The following LRCH3 variants were observed in gnomAD, a reference collection of about 807,000 sequenced individuals.
The protein encoded by LRCH3 is DISP complex protein LRCH3.
Under a neutral mutation model 104.5 loss-of-function variants are expected in LRCH3, and 68 were observed. The ratio of observed to expected loss-of-function variants is 0.65; its 90% CI spans 0.54 to 0.80. The LOEUF is 0.80. Among genes scored for constraint, LRCH3 ranks in the 30% least tolerant of loss-of-function variants. LRCH3 has a pLI of 0.00. For synonymous variants in LRCH3, 344 were observed against 361.3 expected (o/e 0.95, Z 0.54); for missense variants, 951 against 953.9 (o/e 1.00, Z 0.04).
intron 1 of LRCH3, 114 bp downstream of exon 1, chr3:197,791,654 C>T (rs1053137112): frequency 6.7e-5 from 83 of 1,246,840 alleles, no homozygotes; most frequent in Middle Eastern, 2.8e-4. Flanking sequence ...GGCGCCGGGT[C>T]CGGACCCGGG....
rs968159820 is a variant in LRCH3, at chr3:197,854,322, A to G, written c.1591-70A>G. On this transcript the variant is annotated intron_variant, in intron 13 of 20. Transcript: ENST00000425562. The surrounding 1 kb of genome is among the most constrained non-coding windows in gnomAD (Gnocchi z 4.5). ...AATATGTCTCTTCCCTTGTGTGTGT[A>G]TTCGTGAAATACGTCACACGTGTGC... The G allele has an allele frequency of 7.0e-6, 9 of 1,285,702 alleles. No homozygotes were observed. Among genetic ancestry groups the G allele is most frequent in the Admixed American group, 3.4e-5 (2 of 59,548 alleles). 79.6% of individuals were successfully genotyped at this position (1,285,702 alleles called of 1,614,324 possible). A position where few individuals can be genotyped will look rare whatever the true frequency, so the allele number is the denominator to read the frequency against.
In LRCH3 at chr3:197,866,190, G is replaced by T; in HGVS notation, c.1844G>T (p.Arg615Leu). 1 of 1,613,872 alleles carries T rather than the reference G, an allele frequency of 6.2e-7. No individual in the cohort carries two copies. The highest frequency in any genetic ancestry group is 1.6e-4 in the Middle Eastern group (1 of 6,062). ...QPQRPESFLF[R>L]AGVRAETNKG... is the part of the protein sequence containing the mutation. The stretch of plus-strand genomic sequence containing the variant: ...CAGCGCCCTGAAAGCTTCCTTTTCC[G>T]AGCAGGTGTCAGGGCAGAAACCAAC... Residue 615 changes from arginine to leucine, a missense_variant, in exon 17 of 21, where the codon CGA becomes CTA. By Grantham distance (102) the Arg-to-Leu change is moderately radical (BLOSUM62 -2). Coordinates refer to ENST00000425562, the MANE Select transcript of LRCH3 (RefSeq NM_001365715.1).
At chr3:197,846,999 G>A (rs961685000) in intron 10 of LRCH3, among the ~76,000 whole-genome samples, 2 of 152,108 alleles carry the variant, frequency 1.3e-5, no homozygotes, top group Non-Finnish European at 2.9e-5. Context: ...TGCTTTATAA[G>A]TACAGTTACG....
intron 10 of LRCH3, among the ~76,000 whole-genome samples, chr3:197,846,401 C>A (rs79619221): frequency 0.078 from 9,533 of 122,020 alleles, 671 homozygotes; most frequent in African/African-American, 0.19. Flanking sequence ...AAAAAAAAAA[C>A]AAAAAAAAAA....
intron 10 of LRCH3, among the ~76,000 whole-genome samples, chr3:197,844,653 C>CT (rs1466876417): frequency 4.0e-5 from 6 of 151,380 alleles, no homozygotes; most frequent in Non-Finnish European, 1.5e-5. Flanking sequence ...GAGCCTCACT[C>CT]TGTCGCCAGG....
In LRCH3 at chr3:197,859,773, C is replaced by CT. The variant is rs199851982; in HGVS notation, c.1716+879dup. On this transcript the variant is annotated intron_variant, in intron 15 of 20. Transcript: ENST00000425562. ...TTTAGCATTTTTTAATGTAAGAATC[C>CT]TTTTTTTTTTTACACAAAATACAAT... Among the ~76,000 whole-genome samples, 819 of 144,706 alleles carry CT rather than the reference C, an allele frequency of 5.7e-3. 3 individuals are homozygous for CT. The highest frequency in any genetic ancestry group is 0.029 in the East Asian group (146 of 5,020). The allele number at this position is 144,706 out of a possible 152,430, so 94.9% of individuals were successfully genotyped here. A position where few individuals can be genotyped will look rare whatever the true frequency, so the allele number is the denominator to read the frequency against.
intron 9 of LRCH3, among the ~76,000 whole-genome samples, chr3:197,836,623 G>GA (rs1039455054): frequency 6.6e-4 from 100 of 151,046 alleles, no homozygotes; most frequent in African/African-American, 1.9e-3. Context: ...TAAAAGGAAA[G>GA]AAAAAAAAAG....
rs186865549 is a variant in LRCH3, at chr3:197,884,103, C to T, written c.*437C>T. 403 of 156,482 alleles carry T rather than the reference C, an allele frequency of 2.6e-3. 2 individuals carry two copies. The highest frequency in any genetic ancestry group is 4.6e-3 in the Non-Finnish European group (327 of 71,018). The allele number at this position is 156,482 out of a possible 1,614,324, so 9.7% of individuals were successfully genotyped here. On this transcript the variant is annotated 3_prime_UTR_variant, in exon 21 of 21. Transcript: ENST00000425562. Reference sequence around the variant, plus strand: ...ATTTGTTAAAATACAGATTCACATTCAGTAGAGCTGGGGTAAGGCCTAGGA... The same window carrying T: ...ATTTGTTAAAATACAGATTCACATTTAGTAGAGCTGGGGTAAGGCCTAGGA...
chr3:197,817,866 G>T (rs1734030801), intron 3 of LRCH3, among the ~76,000 whole-genome samples: 1 of 152,090 alleles, frequency 6.6e-6, no homozygotes, highest in Non-Finnish European at 1.5e-5. Context: ...TGTCACCTAG[G>T]CTGGAGTGCA....
intron 17 of LRCH3, 126 bp downstream of exon 17, chr3:197,866,345 T>A (rs1741483483): frequency 1.5e-6 from 1 of 669,688 alleles, no homozygotes; most frequent in Non-Finnish European, 2.7e-6. Flanking sequence ...GGCAAAAGCA[T>A]GTGTCTGTGA....
intron 4 of LRCH3, among the ~76,000 whole-genome samples, chr3:197,824,484 C>CT (rs748035243): frequency 2.9e-4 from 43 of 150,624 alleles, no homozygotes; most frequent in South Asian, 6.3e-4. Context: ...ACCAGATTCT[C>CT]TATCCCTTTT....
intron 15 of LRCH3, 59 bp downstream of exon 15, chr3:197,858,964 T>C: frequency 7.7e-7 from 1 of 1,297,886 alleles, no homozygotes; most frequent in Non-Finnish European, 1.1e-6. Context: ...TATAAGGTCT[T>C]GAATTTTTTG....
intron 1 of LRCH3, among the ~76,000 whole-genome samples, chr3:197,795,024 T>C (rs967142702): frequency 6.6e-6 from 1 of 150,860 alleles, no homozygotes; most frequent in Non-Finnish European, 1.5e-5. Flanking sequence ...GAAAAAAAAA[T>C]ATTAATCTTT....
At position 197,856,773 on chromosome 3, in the gene LRCH3, A is replaced by G. The variant is rs1740297839; in HGVS notation, c.1645-2061A>G. On this transcript the variant is annotated intron_variant, in intron 14 of 20. Transcript: ENST00000425562. The surrounding 1 kb of genome is among the most constrained non-coding windows in gnomAD (Gnocchi z 4.2). ...AGGATATTCTATTTTGTCTTAATGT[A>G]CCTTAATACACTCCATCCCTACCAC... Among the ~76,000 whole-genome samples, 1 of 152,202 alleles carries G rather than the reference A, an allele frequency of 6.6e-6. No homozygotes were observed. The highest frequency in any genetic ancestry group is 2.1e-4 in the South Asian group (1 of 4,830).
In LRCH3 at chr3:197,880,988, T is replaced by C. The variant is rs988786201; in HGVS notation, c.2209-2553T>C. 6 of 1,309,204 alleles carry C rather than the reference T, an allele frequency of 4.6e-6. No homozygotes were observed. The African/African-American group carries it at 8.9e-5, about 19-fold the overall frequency. 81.1% of individuals were successfully genotyped at this position (1,309,204 alleles called of 1,614,324 possible). Reference sequence around the variant, plus strand: ...GCCTGTGGCCTTGTTTCTCTTACCATAAATGCTGAAGCATTTTTACTAATA... The same window carrying C: ...GCCTGTGGCCTTGTTTCTCTTACCACAAATGCTGAAGCATTTTTACTAATA... On this transcript the variant is annotated intron_variant, in intron 20 of 20. Transcript: ENST00000425562.
At chr3:197,850,329 C>A in intron 12 of LRCH3, 1 of 738,486 alleles carries the variant, frequency 1.4e-6, no homozygotes, top group South Asian at 1.7e-5. Context: ...ATTCTCCCAA[C>A]TCTCTTTAGG....
chr3:197,872,859 A>G (rs1177802569), intron 19 of LRCH3, among the ~76,000 whole-genome samples: 1 of 152,182 alleles, frequency 6.6e-6, no homozygotes, highest in Non-Finnish European at 1.5e-5. Context: ...TCTGTCTCAA[A>G]AGAAAAAAAG....
intron 15 of LRCH3, 115 bp from the exon 16 acceptor site, chr3:197,865,308 T>C: frequency 1.4e-6 from 1 of 702,092 alleles, no homozygotes; most frequent in South Asian, 1.8e-5. Flanking sequence ...CCTCTAGACT[T>C]AATCGTGAAG....
chr3:197,838,207 C>T (rs1381926809), intron 9 of LRCH3, among the ~76,000 whole-genome samples: 2 of 152,232 alleles, frequency 1.3e-5, no homozygotes, highest in Non-Finnish European at 2.9e-5. Context: ...ACTGCTTGAG[C>T]CCGGCAGTTT....
Sources: allele counts gnomAD v4.1 joint callset (sites outside exome capture counted in the v4.1 genomes callset), GRCh38; gene constraint gnomAD v4.1.1; non-coding constraint Gnocchi (gnomAD v3.1); transcripts MANE v1.5; gene names NCBI Gene and HGNC (gene_info 2026-07-23, HGNC 2026-07-21).